ASNS: variants seen among roughly 807,000 people sequenced by gnomAD.
ASNS encodes the protein asparagine synthetase (glutamine-hydrolyzing).
In ASNS, 37 loss-of-function variants were observed where a neutral mutation model predicts 62.6. The observed-to-expected ratio is 0.59, with a 90% CI of 0.45 to 0.78. ASNS has a LOEUF of 0.78. Ranked by LOEUF, ASNS falls within the 30% of genes least tolerant of loss-of-function variation. The pLI is 0.00. For synonymous variants in ASNS, 207 were observed against 237.9 expected, an observed-to-expected ratio of 0.87 and a Z score of 1.19; for missense variants, 520 against 682.4, an observed-to-expected ratio of 0.76 and a Z score of 2.65.
upstream of ASNS, among the ~76,000 whole-genome samples, chr7:97,876,977 A>G (rs1376013526): frequency 1.3e-5 from 2 of 152,336 alleles, no homozygotes; most frequent in African/African-American, 4.8e-5. Flanking sequence ...CCTGAGCCTC[A>G]GACTCACTTG....
At chr7:97,923,729 C>A in the ASNS span, among the ~76,000 whole-genome samples, 1 of 152,202 alleles carries the variant, frequency 6.6e-6, no homozygotes, top group Non-Finnish European at 1.5e-5. Context: ...AGTCCAACGT[C>A]AACTTCCTGT....
chr7:97,902,447 C>T, the ASNS span, among the ~76,000 whole-genome samples: 1 of 152,182 alleles, frequency 6.6e-6, no homozygotes. Context: ...CGCAGTGGCT[C>T]ATGCCTGTCA....
the ASNS span, among the ~76,000 whole-genome samples, chr7:97,894,766 C>A: frequency 1.3e-5 from 2 of 152,112 alleles, no homozygotes; most frequent in East Asian, 3.9e-4. Context: ...CTAGACTAGG[C>A]TTTTATGCTG....
intron 4 of ASNS, among the ~76,000 whole-genome samples, chr7:97,862,915 C>T (rs1016658517): frequency 6.6e-6 from 1 of 152,116 alleles, no homozygotes; most frequent in Non-Finnish European, 1.5e-5. Context: ...ACATCACTGT[C>T]AACAGGAAAA....
chr7:97,905,726 A>C, the ASNS span, among the ~76,000 whole-genome samples: 2 of 152,220 alleles, frequency 1.3e-5, no homozygotes, highest in South Asian at 4.1e-4. Flanking sequence ...CTTGTGCCTC[A>C]TTTGAGACCT....
intron 1 of ASNS, chr7:97,870,205 C>A: frequency 1.0e-6 from 1 of 996,202 alleles, no homozygotes; most frequent in Non-Finnish European, 1.4e-6. Context: ...GTGATGACTG[C>A]CTTTCTGTTC....
At chr7:97,859,516 T>A in intron 4 of ASNS, 118 bp from the exon 5 acceptor site, 1 of 1,106,744 alleles carries the variant, frequency 9.0e-7, no homozygotes, top group Non-Finnish European at 1.2e-6. Flanking sequence ...ACATACCCAT[T>A]AAATAAGCAA....
chr7:97,900,085 T>C, the ASNS span, among the ~76,000 whole-genome samples: 3 of 151,980 alleles, frequency 2.0e-5, no homozygotes, highest in Non-Finnish European at 4.4e-5. Context: ...ATTGGCCTGG[T>C]GCAGTGGCTC....
At chr7:97,914,845 G>C in the ASNS span, among the ~76,000 whole-genome samples, 1 of 152,164 alleles carries the variant, frequency 6.6e-6, no homozygotes, top group African/African-American at 2.4e-5. Flanking sequence ...ACAAAATCCA[G>C]AACAAGCTGG....
At chr7:97,912,565 CT>C in the ASNS span, among the ~76,000 whole-genome samples, 1,692 of 41,374 alleles carry the variant, frequency 0.041, 9 homozygotes, top group Non-Finnish European at 0.052. Context: ...GTTAACTTTG[CT>C]TTTTTTTTTT....
At chr7:97,889,283 C>T in the ASNS span, among the ~76,000 whole-genome samples, 3 of 152,288 alleles carry the variant, frequency 2.0e-5, no homozygotes, top group African/African-American at 7.2e-5. Context: ...CTTTGAGAGG[C>T]CGAGGCGGGT....
chr7:97,892,949 C>A, the ASNS span, among the ~76,000 whole-genome samples: 5 of 152,196 alleles, frequency 3.3e-5, no homozygotes, highest in East Asian at 9.6e-4. Context: ...TTTAGCAACA[C>A]CCCACTTCTG....
In ASNS at chr7:97,869,170, T is replaced by C. The variant is rs375491571; in HGVS notation, c.-14A>G. 6.7e-5 allele frequency: 108 copies of C among 1,611,140 alleles called. No homozygotes were observed. The highest frequency in any genetic ancestry group is 8.7e-5 in the Non-Finnish European group (102 of 1,177,568). On this transcript the variant is annotated 5_prime_UTR_variant, in exon 3 of 13. It adds an upstream start codon to the 5' untranslated region. Transcript: ENST00000394308. ...AATGCCACACATGGTGCAATGAAGC[T>C]ATAAGCTTTCTATGGAGAGAAAAGC...
At chr7:97,914,765 C>G in the ASNS span, among the ~76,000 whole-genome samples, 1 of 152,224 alleles carries the variant, frequency 6.6e-6, no homozygotes, top group South Asian at 2.1e-4. Flanking sequence ...GGTATCTCAC[C>G]TTTCATCACA....
intron 4 of ASNS, among the ~76,000 whole-genome samples, chr7:97,859,633 C>T (rs1490708636): frequency 2.0e-5 from 3 of 152,100 alleles, no homozygotes; most frequent in Non-Finnish European, 4.4e-5. Context: ...TTTCGTAATT[C>T]AAAGAAATAG....
rs1318494663 is a variant in ASNS, at chr7:97,868,894, TTC to T, written c.249+12_249+13del. The T allele has an allele frequency of 1.2e-6, 2 of 1,612,018 alleles. No individual in the cohort carries two copies. Among genetic ancestry groups the T allele is most frequent in the African/African-American group, 2.7e-5 (2 of 74,906 alleles). ...GTTTAATCGCATCCAGACATCTGGT[TTC>T]TTTCTCCTCACCTTCTTATGGTTGT... On this transcript the variant is annotated intron_variant, in intron 3 of 12. Coordinates refer to ENST00000394308, the MANE Select transcript of ASNS (RefSeq NM_001673.5).
At chr7:97,894,286 C>T in the ASNS span, among the ~76,000 whole-genome samples, 8 of 151,548 alleles carry the variant, frequency 5.3e-5, no homozygotes, top group Non-Finnish European at 7.4e-5. Flanking sequence ...TTCAAATAAA[C>T]GACCTAATGA....
chr7:97,908,024 G>T, the ASNS span, among the ~76,000 whole-genome samples: 1 of 152,090 alleles, frequency 6.6e-6, no homozygotes, highest in Non-Finnish European at 1.5e-5. Context: ...CATGACAAAA[G>T]GCTAGTGATA....
the ASNS span, among the ~76,000 whole-genome samples, chr7:97,915,316 A>G: frequency 3.3e-5 from 5 of 152,372 alleles, no homozygotes; most frequent in African/African-American, 1.2e-4. Flanking sequence ...CCCAGCGACC[A>G]GCCAGATCGC....
Sources: gnomAD v4.1 joint callset for allele counts (sites outside exome capture counted in the v4.1 genomes callset) on GRCh38, gnomAD v4.1.1 for gene constraint, MANE v1.5 for transcripts, NCBI Gene and HGNC (gene_info 2026-07-23, HGNC 2026-07-21) for gene names.